The following ADCY1 variants were observed in gnomAD, a reference collection of about 807,000 sequenced individuals.
The protein encoded by ADCY1 is adenylate cyclase type 1.
In ADCY1, 28 loss-of-function variants were observed where a neutral mutation model predicts 105.4. The observed-to-expected ratio is 0.27, with a 90% CI of 0.20 to 0.36. The LOEUF (loss-of-function observed/expected upper bound fraction) is 0.36. ADCY1 is among the 10% of genes least tolerant of loss of function. The pLI is 1.00. For missense variants in ADCY1, 977 were observed against 1,434.2 expected (o/e 0.68, Z 5.15); for synonymous variants, 655 against 623.8 (o/e 1.05, Z -0.75).
Position 45,682,239 on chromosome 7 carries a change from G to A in ADCY1, c.1983+2446G>A, listed in dbSNP as rs554238461. 3.1e-4 allele frequency among the ~76,000 whole-genome samples: 47 copies of A among 152,264 alleles called. No homozygotes were observed. The South Asian group carries it at 8.7e-3, about 28-fold the overall frequency. On this transcript the variant is annotated intron_variant, in intron 11 of 19. Transcript: ENST00000297323. ...TGGGGCAGTGGGTGTAGCTCATCCC[G>A]GGAATCAGGGTGGGGAGGTGCCTAA...
intron 8 of ADCY1, among the ~76,000 whole-genome samples, chr7:45,674,404 A>T (rs544674858): frequency 2.6e-5 from 4 of 152,078 alleles, no homozygotes; most frequent in African/African-American, 9.6e-5. Flanking sequence ...TTTGAGACGG[A>T]ATCTCTATCA....
rs1480935591 is a variant in ADCY1, at chr7:45,721,958, A to G, written c.*7963A>G. 7.5e-6 allele frequency: 3 copies of G among 397,456 alleles called. No homozygotes were observed. The highest frequency in any genetic ancestry group is 6.2e-5 in the African/African-American group (3 of 48,614). 24.6% of individuals were successfully genotyped at this position (397,456 alleles called of 1,614,324 possible). A position where few individuals can be genotyped will look rare whatever the true frequency, so the allele number is the denominator to read the frequency against. On this transcript the variant is annotated 3_prime_UTR_variant, in exon 20 of 20. Transcript: ENST00000297323. Reference sequence around the variant, plus strand: ...CTATTAAATCTTGTGGGCTGAATAAATATCTCGTGCAGGACTGTGCAACAG... The same window carrying G: ...CTATTAAATCTTGTGGGCTGAATAAGTATCTCGTGCAGGACTGTGCAACAG...
In ADCY1 at chr7:45,631,434, A is replaced by G. The variant is rs543508244; in HGVS notation, c.1020+8691A>G. On this transcript the variant is annotated intron_variant, in intron 4 of 19. Transcript: ENST00000297323. Reference sequence around the variant, plus strand: ...GCTAATCACTGGTACGGGCATATGTAAGGAGAATACAATCTGTGACTTAGT... The same window carrying G: ...GCTAATCACTGGTACGGGCATATGTGAGGAGAATACAATCTGTGACTTAGT... 1.5e-3 allele frequency among the ~76,000 whole-genome samples: 223 copies of G among 152,372 alleles called. 1 individual carries two copies. The highest frequency in any genetic ancestry group is 4.9e-3 in the African/African-American group (205 of 41,594).
intron 16 of ADCY1, among the ~76,000 whole-genome samples, 167 bp from the exon 17 acceptor site, chr7:45,704,351 C>T (rs1490393650): frequency 6.6e-6 from 1 of 152,242 alleles, no homozygotes; most frequent in Admixed American, 6.5e-5. Flanking sequence ...TCCTGCCTCA[C>T]CTCTTCTTGC....
rs587777497 is a variant in ADCY1 at position 45,713,747 on chromosome 7, C to T, written c.3112C>T (p.Arg1038Ter). 1.3e-6 allele frequency: 1 copy of T among 780,792 alleles called. No homozygotes were observed. The highest frequency in any genetic ancestry group is 1.3e-5 in the South Asian group (1 of 74,630). The allele number at this position is 780,792 out of a possible 1,614,324, so 48.4% of individuals were successfully genotyped here. A position where few individuals can be genotyped will look rare whatever the true frequency, so the allele number is the denominator to read the frequency against. ...AAGGTGCCCCTACCACTTTGTGTGC[C>T]GAGGCAAAGTCAGTGTCAAGGGCAA... ...LRRCPYHFVCRGKVSVKGKGE... is the reference protein window; with the variant it reads ...LRRCPYHFVC Residue 1038 changes from arginine to a stop codon, truncating the protein, a stop_gained, in exon 20 of 20, where the codon CGA (arginine) becomes TGA (stop). Coordinates refer to ENST00000297323, the MANE Select transcript of ADCY1 (RefSeq NM_021116.4). LOFTEE classifies it high-confidence loss of function.
At chr7:45,632,195 A>T (rs1304704909) in intron 4 of ADCY1, among the ~76,000 whole-genome samples, 1 of 152,226 alleles carries the variant, frequency 6.6e-6, no homozygotes, top group East Asian at 1.9e-4. Context: ...TCTTGACATC[A>T]AAAACCACAC....
chr7:45,629,629 C>T (rs1794176619), intron 4 of ADCY1, among the ~76,000 whole-genome samples: 1 of 152,042 alleles, frequency 6.6e-6, no homozygotes, highest in South Asian at 2.1e-4. Flanking sequence ...CGCCATTCTC[C>T]TGCCTTAGCC....
At chr7:45,672,106 AT>A (rs1296607358) in intron 8 of ADCY1, among the ~76,000 whole-genome samples, 1 of 152,126 alleles carries the variant, frequency 6.6e-6, no homozygotes, top group Non-Finnish European at 1.5e-5. Context: ...TTTTGAGTTC[AT>A]TTTTTAATAA....
At position 45,703,276 on chromosome 7, in the gene ADCY1, C is replaced by T. The variant is rs2116258386; in HGVS notation, c.2455-100C>T. 4 of 1,109,874 alleles carry T rather than the reference C, an allele frequency of 3.6e-6. No homozygotes were observed. The highest frequency in any genetic ancestry group is 4.7e-5 in the East Asian group (2 of 42,314). 68.8% of individuals were successfully genotyped at this position (1,109,874 alleles called of 1,614,324 possible). ...GGAGCGTGGATGTAGACCATCAGCACACCTGGAGTCCAGTTTGGATGATTA... is the reference window on the plus strand; with the variant it reads ...GGAGCGTGGATGTAGACCATCAGCATACCTGGAGTCCAGTTTGGATGATTA... On this transcript the variant is annotated intron_variant, in intron 14 of 19. Coordinates refer to ENST00000297323, the MANE Select transcript of ADCY1 (RefSeq NM_021116.4). The surrounding 1 kb of genome is among the most constrained non-coding windows in gnomAD (Gnocchi z 5.9).
intron 14 of ADCY1, among the ~76,000 whole-genome samples, chr7:45,698,394 C>T (rs1784927869): frequency 6.6e-6 from 1 of 152,152 alleles, no homozygotes; most frequent in South Asian, 2.1e-4. Flanking sequence ...CACATTTCTC[C>T]TCATGAAGCC....
intron 3 of ADCY1, among the ~76,000 whole-genome samples, chr7:45,611,575 T>C (rs1242941445): frequency 6.6e-6 from 1 of 151,850 alleles, no homozygotes; most frequent in Non-Finnish European, 1.5e-5. Flanking sequence ...TCCCATTTTA[T>C]AGGTGAGGAA....
At chr7:45,712,230 T>G (rs4436024) in intron 19 of ADCY1, among the ~76,000 whole-genome samples, 1 of 113,000 alleles carries the variant, frequency 8.8e-6, no homozygotes, top group African/African-American at 2.8e-5. Flanking sequence ...ATTAAATATA[T>G]AAATATATAT....
At chr7:45,581,351 T>C (rs1792537606) in intron 1 of ADCY1, among the ~76,000 whole-genome samples, 1 of 152,190 alleles carries the variant, frequency 6.6e-6, no homozygotes, top group South Asian at 2.1e-4. Context: ...TGTGACTTAG[T>C]AAAACTGAAC....
intron 6 of ADCY1, 23 bp downstream of exon 6, chr7:45,657,908 A>AGGGG: frequency 4.2e-6 from 1 of 237,422 alleles, no homozygotes; most frequent in Non-Finnish European, 8.4e-6. Flanking sequence ...TGGGGTGGGG[A>AGGGG]GGGGAGGGAG....
At chr7:45,626,067 C>T (rs1351923398) in intron 4 of ADCY1, among the ~76,000 whole-genome samples, 1 of 152,226 alleles carries the variant, frequency 6.6e-6, no homozygotes, top group African/African-American at 2.4e-5. Flanking sequence ...GCGAGGCTCT[C>T]TGCCTGGGGT....
intron 11 of ADCY1, among the ~76,000 whole-genome samples, chr7:45,683,985 G>A (rs749709619): frequency 7.2e-5 from 11 of 152,264 alleles, no homozygotes; most frequent in Non-Finnish European, 1.6e-4. Context: ...GATGATGGGA[G>A]GCTGCAGTGG....
In ADCY1 at chr7:45,686,528, C is replaced by T. The variant is rs905349203; in HGVS notation, c.2328-19C>T. The stretch of plus-strand genomic sequence containing the variant: ...GAAGCTCGGCACTGACTTGGCTTTT[C>T]TTCCTCATCTTCCCCCAGGGGTGGT... On this transcript the variant is annotated intron_variant, in intron 13 of 19. Coordinates refer to ENST00000297323, the MANE Select transcript of ADCY1 (RefSeq NM_021116.4). The surrounding 1 kb of genome is among the most constrained non-coding windows in gnomAD (Gnocchi z 4.3). The T allele has an allele frequency of 3.7e-6, 6 of 1,601,466 alleles. No homozygotes were observed. The African/African-American group carries it at 5.4e-5, about 14-fold the overall frequency.
At chr7:45,668,895 T>C (rs1265201221) in intron 8 of ADCY1, among the ~76,000 whole-genome samples, 1 of 152,264 alleles carries the variant, frequency 6.6e-6, no homozygotes, top group Non-Finnish European at 1.5e-5. Context: ...CCATTTCTTC[T>C]AGATTTTCTA....
chr7:45,692,133 C>T (rs1186461020), intron 14 of ADCY1, among the ~76,000 whole-genome samples: 3 of 152,180 alleles, frequency 2.0e-5, no homozygotes, highest in East Asian at 1.9e-4. Flanking sequence ...TGGAAACCTC[C>T]GAGGAGCCAA....
Sources: allele counts gnomAD v4.1 joint callset (sites outside exome capture counted in the v4.1 genomes callset), GRCh38; gene constraint gnomAD v4.1.1; non-coding constraint Gnocchi (gnomAD v3.1); transcripts MANE v1.5; gene names NCBI Gene and HGNC (gene_info 2026-07-23, HGNC 2026-07-21).